Variants in NLRC5 observed in about 807,000 individuals in gnomAD.
The protein encoded by NLRC5 is NLR family CARD domain containing 5, also known as protein NLRC5.
NLRC5 carries 114 observed loss-of-function variants against 206.9 expected under a neutral mutation model. That is an observed-to-expected ratio of 0.55 (90% confidence interval 0.47 to 0.64). The LOEUF is 0.64. Ranked by LOEUF, NLRC5 falls within the 30% of genes least tolerant of loss-of-function variation. The probability of loss-of-function intolerance (pLI) is 0.00; values close to 1 mark genes in which losing one functional copy is unlikely to be tolerated. For missense variants in NLRC5, 2,008 were observed against 2,305.5 expected (o/e 0.87, Z 2.64); for synonymous variants, 952 against 962.8 (o/e 0.99, Z 0.21).
At chr16:57,054,633 T>G in intron 24 of NLRC5, 118 bp from the exon 25 acceptor site, 1 of 795,506 alleles carries the variant, frequency 1.3e-6, no homozygotes, top group Non-Finnish European at 2.3e-6. Flanking sequence ...ATCCCCTGCC[T>G]GCTTCCCTAT....
At chr16:57,034,334 GTGT>G in intron 13 of NLRC5, 83 bp downstream of exon 13, 1 of 939,370 alleles carries the variant, frequency 1.1e-6, no homozygotes. Flanking sequence ...TGGGTGGGTG[GTGT>G]GGGGGAGGGG....
intron 47 of NLRC5, 55 bp downstream of exon 47, chr16:57,081,236 G>C: frequency 6.7e-7 from 1 of 1,494,380 alleles, no homozygotes; most frequent in South Asian, 1.2e-5. Flanking sequence ...TACATCCCGG[G>C]AACACCAAGA....
intron 46 of NLRC5, 144 bp downstream of exon 46, chr16:57,079,773 TC>T: frequency 1.6e-6 from 1 of 630,576 alleles, no homozygotes; most frequent in Non-Finnish European, 2.8e-6. Flanking sequence ...GGGAAGATCA[TC>T]CTTACTCAGA....
chr16:57,082,604 G>A lies in NLRC5; in HGVS notation c.*76G>A. 1 of 1,069,410 alleles carries A rather than the reference G, an allele frequency of 9.4e-7. No individual in the cohort carries two copies. The highest frequency in any genetic ancestry group is 1.6e-5 in the African/African-American group (1 of 63,862). The allele number at this position is 1,069,410 out of a possible 1,614,324, so 66.2% of individuals were successfully genotyped here. A position where few individuals can be genotyped will look rare whatever the true frequency, so the allele number is the denominator to read the frequency against. ...CCACCTTTCGCCCACTGGGATAATT[G>A]ACTCAGGAAAGAAGAGCCTCGGCAG... is the stretch of plus-strand genomic sequence containing the variant. On this transcript the variant is annotated 3_prime_UTR_variant, in exon 49 of 49. Coordinates refer to ENST00000688547, the MANE Select transcript of NLRC5 (RefSeq NM_001384950.1).
At position 57,083,226 on chromosome 16, in the gene NLRC5, C is replaced by T. The variant is rs1460889717; in HGVS notation, c.*698C>T. 6.6e-6 allele frequency: 1 copy of T among 152,298 alleles called. No individual in the cohort carries two copies. The highest frequency in any genetic ancestry group is 2.4e-5 in the African/African-American group (1 of 41,468). The allele number at this position is 152,298 out of a possible 1,614,324, so 9.4% of individuals were successfully genotyped here. A position where few individuals can be genotyped will look rare whatever the true frequency, so the allele number is the denominator to read the frequency against. On this transcript the variant is annotated 3_prime_UTR_variant, in exon 49 of 49. Transcript: ENST00000688547. ...CCCATCTATAAACTTGATGACTCCTCCCTTACTTACATACTAGCTTCCAAG... is the reference window on the plus strand; with the variant it reads ...CCCATCTATAAACTTGATGACTCCTTCCTTACTTACATACTAGCTTCCAAG...
intron 15 of NLRC5, among the ~76,000 whole-genome samples, chr16:57,038,062 A>G (rs1292679345): frequency 6.6e-6 from 1 of 152,172 alleles, no homozygotes; most frequent in African/African-American, 2.4e-5. Flanking sequence ...GATTGTGCAA[A>G]CACATTTAGC....
At chr16:57,022,071 C>T (rs2060733326) in intron 3 of NLRC5, among the ~76,000 whole-genome samples, 185 bp from the exon 4 acceptor site, 2 of 152,206 alleles carry the variant, frequency 1.3e-5, no homozygotes. Flanking sequence ...CACATTTCTG[C>T]CCAGCACTGC....
At chr16:56,995,037 G>A (rs2057427519) in intron 1 of NLRC5, among the ~76,000 whole-genome samples, 1 of 152,080 alleles carries the variant, frequency 6.6e-6, no homozygotes, top group Admixed American at 6.5e-5. Context: ...AGCCAGGTGT[G>A]GTGGCACGTG....
At chr16:57,037,149 G>GT in intron 14 of NLRC5, 46 bp from the exon 15 acceptor site, 1 of 1,524,764 alleles carries the variant, frequency 6.6e-7, no homozygotes, top group Non-Finnish European at 9.1e-7. Context: ...CTGGGGCTGG[G>GT]TACCTCAGCC....
At chr16:57,033,751 G>A (rs779904634) in intron 12 of NLRC5, 82 bp downstream of exon 12, 17 of 1,333,756 alleles carry the variant, frequency 1.3e-5, no homozygotes, top group African/African-American at 2.9e-5. Flanking sequence ...GGGGCAGGGA[G>A]GATAAAGGGA....
intron 1 of NLRC5, among the ~76,000 whole-genome samples, chr16:57,012,429 G>A (rs1265225589): frequency 6.6e-6 from 1 of 152,160 alleles, no homozygotes; most frequent in African/African-American, 2.4e-5. Context: ...TAAGGCAGGG[G>A]TCCCCAACCC....
chr16:57,040,518 C>G, intron 16 of NLRC5, 132 bp from the exon 17 acceptor site: 2 of 801,378 alleles, frequency 2.5e-6, no homozygotes, highest in South Asian at 3.1e-5. Context: ...GTGGAGAAGC[C>G]AAATTGGCAC....
chr16:57,039,005 T>G (rs1297491692), intron 15 of NLRC5, among the ~76,000 whole-genome samples: 1 of 151,480 alleles, frequency 6.6e-6, no homozygotes, highest in Non-Finnish European at 1.5e-5. Context: ...AATGATCAAG[T>G]ATTAATAATT....
Position 57,074,640 on chromosome 16 carries a change from C to G in NLRC5, c.4708C>G (p.Leu1570Val), listed in dbSNP as rs936587907. 6.2e-7 allele frequency: 1 copy of G among 1,613,976 alleles called. No homozygotes were observed. Among genetic ancestry groups the G allele is most frequent in the Non-Finnish European group, 8.5e-7 (1 of 1,179,870 alleles). The change falls in exon 39 of 49, where the codon CTT becomes GTT. Residue 1570 changes from leucine (L) to valine (V), a missense_variant. Physicochemically the swap from Leu to Val is conservative, Grantham distance 32. Transcript: ENST00000688547. ...GCTGAACAGCTCCACCTTGGCCTTG[C>G]TTACTCACAGACTAAGCCAGATGAC... is the stretch of plus-strand genomic sequence containing the variant. ...LLLNSSTLAL[L>V]THRLSQMTCL...
intron 19 of NLRC5, among the ~76,000 whole-genome samples, chr16:57,042,685 GTC>G (rs2143739684): frequency 6.6e-6 from 1 of 152,344 alleles, no homozygotes; most frequent in African/African-American, 2.4e-5. Flanking sequence ...ATTCCAGGCT[GTC>G]TCTGTGAACA....
In NLRC5 at chr16:56,995,573, A is replaced by G. The variant is rs373944435; in HGVS notation, c.-128+5956A>G. 2.0e-5 allele frequency among the ~76,000 whole-genome samples: 3 copies of G among 151,620 alleles called. No homozygotes were observed. The East Asian group carries it at 5.8e-4, about 29-fold the overall frequency. On this transcript the variant is annotated intron_variant, in intron 1 of 48. Coordinates refer to ENST00000688547, the MANE Select transcript of NLRC5 (RefSeq NM_001384950.1). The stretch of plus-strand genomic sequence containing the variant: ...GCTGCCGACCGCTGGAAGCTTCCCA[A>G]TCCCCCAGCACCTATCCCTTGTGGG...
chr16:57,029,174 T>C (rs1448114404), intron 8 of NLRC5, among the ~76,000 whole-genome samples: 1 of 152,208 alleles, frequency 6.6e-6, no homozygotes, highest in African/African-American at 2.4e-5. Flanking sequence ...ACTGAACTTG[T>C]TGACATTTTT....
intron 15 of NLRC5, 98 bp from the exon 16 acceptor site, chr16:57,039,683 C>T (rs1217602714): frequency 1.1e-5 from 12 of 1,106,702 alleles, no homozygotes; most frequent in South Asian, 4.0e-5. Context: ...CACCACTGCA[C>T]ACCAGCTTGG....
rs199709415 is a variant in NLRC5 at position 57,022,305 on chromosome 16, G to C, written c.345G>C (p.Gln115His). 1.8e-4 allele frequency: 296 copies of C among 1,611,766 alleles called. 6 individuals carry two copies. The South Asian group carries it at 3.1e-3, about 17-fold the overall frequency. ...GAEGKSQPES[Q>H]LHHGLKRPHQ... ...AGGGGAAAAGCCAACCTGAATCTCA[G>C]CTCCACCATGGTGAGGACTGGAGTT... Residue 115 changes from glutamine (Q) to histidine (H), a missense_variant, in exon 4 of 49, where the codon CAG becomes CAC. Transcript: ENST00000688547.
Sources: allele counts gnomAD v4.1 joint callset (sites outside exome capture counted in the v4.1 genomes callset), GRCh38; gene constraint gnomAD v4.1.1; transcripts MANE v1.5; gene names NCBI Gene and HGNC (gene_info 2026-07-23, HGNC 2026-07-21).